The following FGD3 variants were observed in gnomAD, a reference collection of about 807,000 sequenced individuals.
FGD3 encodes FYVE, RhoGEF and PH domain containing 3.
Under a neutral mutation model 71.8 loss-of-function variants are expected in FGD3, and 45 were observed. That is an observed-to-expected ratio of 0.63 (90% CI 0.49 to 0.80). The LOEUF (loss-of-function observed/expected upper bound fraction) is 0.80, where lower values mean the gene tolerates loss of function less well. Among genes scored for constraint, FGD3 ranks in the 30% least tolerant of loss-of-function variants. The pLI, the probability that FGD3 is intolerant of heterozygous loss-of-function variation, is 0.00. For missense variants in FGD3, 844 were observed against 951.5 expected, an observed-to-expected ratio of 0.89 and a Z score of 1.49; for synonymous variants, 378 against 392.8, an observed-to-expected ratio of 0.96 and a Z score of 0.44.
chr9:92,978,049 G>A (rs145015046), intron 3 of FGD3, among the ~76,000 whole-genome samples: 1 of 152,092 alleles, frequency 6.6e-6, no homozygotes, highest in Non-Finnish European at 1.5e-5. Context: ...TTGGGAGGCC[G>A]AGGTGGGTGG....
rs368414543 is a variant in FGD3 at position 93,003,485 on chromosome 9, G to A, written c.543+471G>A. On this transcript the variant is annotated intron_variant, in intron 4 of 17. Coordinates refer to ENST00000375482, the MANE Select transcript of FGD3 (RefSeq NM_001083536.2). The surrounding 1 kb of genome is among the most constrained non-coding windows in gnomAD (Gnocchi z 4.1). Reference sequence around the variant, plus strand: ...AGCTCTGAGGAGAAGGCTTTGCCAAGTCACCTGTGGGACATTTCTTCTTGG... The same window carrying A: ...AGCTCTGAGGAGAAGGCTTTGCCAAATCACCTGTGGGACATTTCTTCTTGG... Among the ~76,000 whole-genome samples, 4 of 152,332 alleles carry A rather than the reference G, an allele frequency of 2.6e-5. No homozygotes were observed. The highest frequency in any genetic ancestry group is 7.2e-5 in the African/African-American group (3 of 41,572).
rs2118771833 is a variant in FGD3, at chr9:93,015,834, G to T, written c.1275+5G>T. 1 of 1,613,862 alleles carries T rather than the reference G, an allele frequency of 6.2e-7. No homozygotes were observed. Among genetic ancestry groups the T allele is most frequent in the Non-Finnish European group, 8.5e-7 (1 of 1,179,748 alleles). ...ATGGACATCTCAGGCCTCCAGGTGG[G>T]TGAGCTCCTCCATCTCAAACCTGTC... On this transcript the variant is annotated splice_donor_5th_base_variant and intron_variant, in intron 10 of 17. Transcript: ENST00000375482.
At chr9:93,016,764 C>T (rs1321475433) in intron 10 of FGD3, among the ~76,000 whole-genome samples, 1 of 151,968 alleles carries the variant, frequency 6.6e-6, no homozygotes, top group Non-Finnish European at 1.5e-5. Context: ...GCTGTGATTA[C>T]AGGTGCGCGC....
rs537564954 is a variant in FGD3, at chr9:92,965,917, A to G, written c.-217-9321A>G. On this transcript the variant is annotated intron_variant, in intron 1 of 17. Transcript: ENST00000375482. ...GCTGGGCAGGTGTGAAACCTAGACA[A>G]GGATGAGACTGGGCTTGTGGAACAA... Among the ~76,000 whole-genome samples, 103 of 152,290 alleles carry G rather than the reference A, an allele frequency of 6.8e-4. 1 individual carries two copies. Among genetic ancestry groups the G allele is most frequent in the African/African-American group, 2.0e-3 (82 of 41,566 alleles).
intron 14 of FGD3, among the ~76,000 whole-genome samples, chr9:93,028,993 CAGTTTTTTTTT>C (rs1862243760): frequency 9.3e-6 from 1 of 108,034 alleles, no homozygotes; most frequent in Non-Finnish European, 2.0e-5. Context: ...CATGTCCTCA[CAGTTTTTTTTT>C]TTTTTTTTTT....
chr9:93,006,821 G>A (rs988557074), intron 6 of FGD3, among the ~76,000 whole-genome samples: 3 of 151,522 alleles, frequency 2.0e-5, no homozygotes, highest in Non-Finnish European at 4.4e-5. Flanking sequence ...CTGCCTCCAG[G>A]GTTTACACCA....
chr9:93,033,562 C>G (rs1862460754), intron 16 of FGD3: 1 of 157,612 alleles, frequency 6.3e-6, no homozygotes. Flanking sequence ...CTGAGAGTAG[C>G]TGCTGCTTTC....
At chr9:93,024,043 C>T (rs944159830) in intron 14 of FGD3, among the ~76,000 whole-genome samples, 54 of 152,130 alleles carry the variant, frequency 3.5e-4, no homozygotes, top group Middle Eastern at 3.4e-3. Context: ...CCTTGTGATC[C>T]GCCCGCCTCA....
At chr9:92,973,471 A>G (rs1349939281) in intron 1 of FGD3, among the ~76,000 whole-genome samples, 1 of 152,162 alleles carries the variant, frequency 6.6e-6, no homozygotes, top group Non-Finnish European at 1.5e-5. Context: ...CTTGCCATGC[A>G]CTAGATATTT....
intron 3 of FGD3, among the ~76,000 whole-genome samples, chr9:92,978,445 T>C (rs1456656223): frequency 7.2e-5 from 1 of 13,838 alleles, no homozygotes; most frequent in Non-Finnish European, 1.3e-4. Context: ...CCACCAGCCA[T>C]AACTGCAGCT....
chr9:92,976,702 T>C lies in FGD3; in HGVS notation c.446T>C (p.Leu149Pro), dbSNP rs201993666. Residue 149 changes from leucine to proline, a missense_variant, in exon 3 of 18, where the codon CTG becomes CCG. Coordinates refer to ENST00000375482, the MANE Select transcript of FGD3 (RefSeq NM_001083536.2). ...TPQKADKDAG[L>P]AQHSGPQKLL... ...CAGAAGGCTGACAAGGATGCCGGCC[T>C]GGCCCAGGTAGGCTTCCCCTTCTCT... 100 of 1,578,870 alleles carry C rather than the reference T, an allele frequency of 6.3e-5. No individual in the cohort carries two copies. Among genetic ancestry groups the C allele is most frequent in the Non-Finnish European group, 8.1e-5 (94 of 1,161,140 alleles).
chr9:93,024,221 G>A (rs977358135), intron 14 of FGD3, among the ~76,000 whole-genome samples: 4 of 152,210 alleles, frequency 2.6e-5, no homozygotes, highest in African/African-American at 4.8e-5. Flanking sequence ...AAAGCAATGT[G>A]TACTCATAGT....
intron 1 of FGD3, among the ~76,000 whole-genome samples, chr9:92,960,747 C>T (rs1291309059): frequency 6.6e-6 from 1 of 152,158 alleles, no homozygotes; most frequent in Non-Finnish European, 1.5e-5. Flanking sequence ...AGCACTCATC[C>T]ACCAGGGAAG....
intron 1 of FGD3, among the ~76,000 whole-genome samples, chr9:92,949,504 C>G (rs560074451): frequency 8.5e-5 from 13 of 152,286 alleles, no homozygotes; most frequent in Admixed American, 3.3e-4. Flanking sequence ...AGCAACAGTG[C>G]TGACTCAGTC....
At chr9:93,034,449 A>T in intron 16 of FGD3, 92 bp from the exon 17 acceptor site, 6 of 1,458,160 alleles carry the variant, frequency 4.1e-6, no homozygotes, top group Non-Finnish European at 5.5e-6. Flanking sequence ...AGCTCCCCCC[A>T]AGCAGTGGCC....
intron 1 of FGD3, among the ~76,000 whole-genome samples, chr9:92,967,044 C>A (rs1185716534): frequency 6.6e-6 from 1 of 151,724 alleles, no homozygotes; most frequent in Admixed American, 6.6e-5. Context: ...TCACTGCAAC[C>A]TCCATCTCCC....
chr9:92,958,499 CT>C (rs1224635875), intron 1 of FGD3, among the ~76,000 whole-genome samples: 1 of 152,136 alleles, frequency 6.6e-6, no homozygotes, highest in Non-Finnish European at 1.5e-5. Context: ...TGTGGCTGGC[CT>C]TTTCACGTTC....
At chr9:93,006,709 A>G (rs1433947479) in intron 6 of FGD3, among the ~76,000 whole-genome samples, 2 of 150,864 alleles carry the variant, frequency 1.3e-5, no homozygotes, top group Non-Finnish European at 3.0e-5. Context: ...ATTTTCCCCC[A>G]TTGATCTTTT....
intron 3 of FGD3, 75 bp downstream of exon 3, chr9:92,976,784 C>T (rs1859778696): frequency 5.8e-6 from 8 of 1,387,476 alleles, no homozygotes; most frequent in African/African-American, 2.9e-5. Flanking sequence ...TTTCAGTGGG[C>T]GTCATCCCAC....
Sources: gnomAD v4.1 joint callset for allele counts (sites outside exome capture counted in the v4.1 genomes callset) on GRCh38, gnomAD v4.1.1 for gene constraint, Gnocchi (gnomAD v3.1) non-coding constraint, MANE v1.5 for transcripts, NCBI Gene and HGNC (gene_info 2026-07-23, HGNC 2026-07-21) for gene names.